LTBP2: variants seen among roughly 807,000 people sequenced by gnomAD.
LTBP2 encodes the protein latent-transforming growth factor beta-binding protein 2.
Under a neutral mutation model 210.6 loss-of-function variants are expected in LTBP2, and 103 were observed. The observed-to-expected ratio is 0.49, with a 90% CI of 0.42 to 0.58. The LOEUF (loss-of-function observed/expected upper bound fraction) is 0.58. Among genes scored for constraint, LTBP2 ranks in the 20% least tolerant of loss-of-function variants. The pLI is 0.00. For missense variants in LTBP2, 2,313 were observed against 2,494.5 expected, an observed-to-expected ratio of 0.93 and a Z score of 1.55; for synonymous variants, 1,007 against 1,015.0, an observed-to-expected ratio of 0.99 and a Z score of 0.15.
rs1399797248 is a variant in LTBP2 at position 74,500,631 on chromosome 14, A to G, written c.*253T>C. ...AAGCATCCCATAGCAAGGCCAGGAA[A>G]GGTGGTGGACAGGGCCTCATGCGGT... On this transcript the variant is annotated 3_prime_UTR_variant, in exon 36 of 36. Transcript: ENST00000261978. 9 of 572,698 alleles carry G rather than the reference A, an allele frequency of 1.6e-5. No homozygotes were observed. Among genetic ancestry groups the G allele is most frequent in the Non-Finnish European group, 2.5e-5 (8 of 317,694 alleles). The allele number at this position is 572,698 out of a possible 1,614,324, so 35.5% of individuals were successfully genotyped here.
intron 3 of LTBP2, among the ~76,000 whole-genome samples, chr14:74,584,003 C>G (rs775424406): frequency 6.6e-6 from 1 of 152,116 alleles, no homozygotes; most frequent in Middle Eastern, 3.2e-3. Context: ...GAGGGTTCAG[C>G]GCCAAGTAGG....
At chr14:74,506,655 C>T (rs1192324208) in intron 27 of LTBP2, 43 bp downstream of exon 27, 2 of 1,609,366 alleles carry the variant, frequency 1.2e-6, no homozygotes, top group Admixed American at 1.7e-5. Flanking sequence ...CCAGGGCCTT[C>T]CCTTCCCTGG....
intron 18 of LTBP2, among the ~76,000 whole-genome samples, chr14:74,512,193 G>C (rs565737569): frequency 7.8e-4 from 119 of 152,350 alleles, no homozygotes; most frequent in African/African-American, 2.7e-3. Context: ...ACTGAGTGAG[G>C]GAGGTCCTGT....
intron 18 of LTBP2, 29 bp downstream of exon 18, chr14:74,516,793 A>AGGGGGGGGGGGGGGGGGGTT: frequency 6.9e-7 from 1 of 1,455,892 alleles, no homozygotes; most frequent in Non-Finnish European, 9.3e-7. Flanking sequence ...GTGGGGTGGC[A>AGGGGGGGGGGGGGGGGGGTT]GGGCGCTTCC....
intron 8 of LTBP2, among the ~76,000 whole-genome samples, chr14:74,544,936 T>A (rs1226825248): frequency 6.6e-6 from 1 of 152,188 alleles, no homozygotes; most frequent in Non-Finnish European, 1.5e-5. Flanking sequence ...GAGAACCACG[T>A]GGGGGAAAGC....
At chr14:74,572,334 AGAGAGAGT>A (rs2087992715) in intron 3 of LTBP2, among the ~76,000 whole-genome samples, 2 of 149,180 alleles carry the variant, frequency 1.3e-5, no homozygotes, top group Admixed American at 1.3e-4. Flanking sequence ...AGAGAGAGAG[AGAGAGAGT>A]GTGTGTGTGT....
intron 3 of LTBP2, among the ~76,000 whole-genome samples, chr14:74,556,797 C>T (rs976800423): frequency 2.0e-5 from 3 of 151,682 alleles, no homozygotes; most frequent in Non-Finnish European, 2.9e-5. Flanking sequence ...GGATTACAGG[C>T]GTGAGCCACT....
rs2087049569 is a variant in LTBP2 at position 74,510,022 on chromosome 14, G to A, written c.3151+69C>T. The stretch of plus-strand genomic sequence containing the variant: ...GGGTGGATTCAGGGGGCCAAGGGTG[G>A]TGTGCAGAGGGGAGGGAGCCACAAG... On this transcript the variant is annotated intron_variant, in intron 20 of 35. Transcript: ENST00000261978. 7 of 1,612,656 alleles carry A rather than the reference G, an allele frequency of 4.3e-6. No homozygotes were observed. In the Admixed American group the frequency reaches 8.3e-5, roughly 19 times the overall value.
rs948173658 is a variant in LTBP2 at position 74,516,853 on chromosome 14, G to A, written c.2877C>T (p.Gly959=). 2 of 1,551,786 alleles carry A rather than the reference G, an allele frequency of 1.3e-6. No homozygotes were observed. Among genetic ancestry groups the A allele is most frequent in the African/African-American group, 1.4e-5 (1 of 73,044 alleles). Reference sequence around the variant, plus strand: ...AGTGTCCTTTCCTGACCATGATGTAGCCCTGATCACACTCGCAGTGGTACG... The same window carrying A: ...AGTGTCCTTTCCTGACCATGATGTAACCCTGATCACACTCGCAGTGGTACG... ...EGSYHCECDQ[G]YIMVRKGHCQ... is the part of the protein sequence containing the mutation. The change falls in exon 18 of 36, where the codon GGC becomes GGT. Residue 959 remains glycine (G), a synonymous_variant. Coordinates refer to ENST00000261978, the MANE Select transcript of LTBP2 (RefSeq NM_000428.3).
In LTBP2 at chr14:74,573,439, G is replaced by T. The variant is rs546856459; in HGVS notation, c.830+12415C>A. Among the ~76,000 whole-genome samples the T allele has an allele frequency of 3.9e-5, 6 of 152,346 alleles. No homozygotes were observed. The South Asian group carries it at 1.0e-3, about 26-fold the overall frequency. Reference sequence around the variant, plus strand: ...GTTCCATCAGTGGGGAACTGTGGCAGGAGGTCAGAGGGCAGGAGAAGGGTG... The same window carrying T: ...GTTCCATCAGTGGGGAACTGTGGCATGAGGTCAGAGGGCAGGAGAAGGGTG... On this transcript the variant is annotated intron_variant, in intron 3 of 35. Transcript: ENST00000261978.
chr14:74,529,086 T>C lies in LTBP2; in HGVS notation c.2024A>G (p.Tyr675Cys), dbSNP rs773481597. The change falls in exon 11 of 36, where the codon TAC (tyrosine) becomes TGC (cysteine). Residue 675 changes from tyrosine (Y) to cysteine (C), a missense_variant. This residue lies in a region of LTBP2 where 1,867 missense variants were observed against 1,976.9 expected (regional missense o/e 0.94). Coordinates refer to ENST00000261978, the MANE Select transcript of LTBP2 (RefSeq NM_000428.3). ...KAISMLQGLC[Y>C]RSLGPGTCTL... ...GCAGGTGCCGGGCCCCAGCGACCGG[T>C]AGCACAGTCCCTGCAGCATGGAGAT... is the stretch of plus-strand genomic sequence containing the variant. The C allele has an allele frequency of 6.4e-7, 1 of 1,554,196 alleles. No homozygotes were observed. The highest frequency in any genetic ancestry group is 8.7e-7 in the Non-Finnish European group (1 of 1,148,664).
chr14:74,517,440 G>A (rs940172765), intron 17 of LTBP2, among the ~76,000 whole-genome samples: 6 of 151,938 alleles, frequency 3.9e-5, no homozygotes, highest in Admixed American at 2.0e-4. Context: ...TGCAACCTCC[G>A]GCTCACTGCA....
At chr14:74,560,102 G>A (rs2087775423) in intron 3 of LTBP2, 1 of 152,176 alleles carries the variant, frequency 6.6e-6, no homozygotes. Context: ...GAATCCGTAA[G>A]ATTTTGGAAC....
chr14:74,553,066 C>G lies in LTBP2; in HGVS notation c.1022-4G>C, dbSNP rs201958414. The G allele has an allele frequency of 6.2e-7, 1 of 1,614,014 alleles. No individual in the cohort carries two copies. ...ATTTTCTCCGTGAGGTTCAGCCCTG[C>G]AGAGAGAGGGCTTGGGTCCAGGGGG... is the stretch of plus-strand genomic sequence containing the variant. On this transcript the variant is annotated splice_polypyrimidine_tract_variant and splice_region_variant and intron_variant, in intron 4 of 35. Coordinates refer to ENST00000261978, the MANE Select transcript of LTBP2 (RefSeq NM_000428.3).
chr14:74,581,479 G>T (rs966465474), intron 3 of LTBP2, among the ~76,000 whole-genome samples: 1 of 152,124 alleles, frequency 6.6e-6, no homozygotes, highest in African/African-American at 2.4e-5. Flanking sequence ...GCAGAGGGGA[G>T]ATCCAAACAT....
chr14:74,543,295 A>G (rs945689233), intron 8 of LTBP2, among the ~76,000 whole-genome samples: 3 of 147,752 alleles, frequency 2.0e-5, no homozygotes, highest in Non-Finnish European at 3.0e-5. Flanking sequence ...GGAGAATGGC[A>G]TGAACCCAGG....
At chr14:74,516,221 C>T (rs1045009630) in intron 18 of LTBP2, among the ~76,000 whole-genome samples, 6 of 152,238 alleles carry the variant, frequency 3.9e-5, no homozygotes, top group Non-Finnish European at 8.8e-5. Flanking sequence ...CTGACAGGGA[C>T]GTGGTGGCAG....
Position 74,502,514 on chromosome 14 carries a change from G to A in LTBP2, c.5170+139C>T, listed in dbSNP as rs73296216. ...CGTATGTACTTGTCTCAAGCGAGCC[G>A]TGAACGGGGACCTCTGGCTTGGTGT... On this transcript the variant is annotated intron_variant, in intron 34 of 35. Coordinates refer to ENST00000261978, the MANE Select transcript of LTBP2 (RefSeq NM_000428.3). 2.9e-3 allele frequency: 3,399 copies of A among 1,192,218 alleles called. 68 individuals are homozygous for A. The African/African-American group carries it at 0.046, about 16-fold the overall frequency. The allele number at this position is 1,192,218 out of a possible 1,614,324, so 73.9% of individuals were successfully genotyped here. A position where few individuals can be genotyped will look rare whatever the true frequency, so the allele number is the denominator to read the frequency against.
chr14:74,533,152 G>A (rs2087374148), intron 9 of LTBP2, among the ~76,000 whole-genome samples: 2 of 152,208 alleles, frequency 1.3e-5, no homozygotes, highest in Non-Finnish European at 2.9e-5. Context: ...GGCCTCAAGC[G>A]CTAGTGTTTA....
Sources: allele counts gnomAD v4.1 joint callset (sites outside exome capture counted in the v4.1 genomes callset), GRCh38; gene constraint gnomAD v4.1.1; regional missense constraint gnomAD v4.1.1; transcripts MANE v1.5; gene names NCBI Gene and HGNC (gene_info 2026-07-23, HGNC 2026-07-21).